The following OLFML2B variants were observed in gnomAD, a reference collection of about 807,000 sequenced individuals.
OLFML2B encodes the protein olfactomedin like 2B, also known as olfactomedin-like protein 2B.
In OLFML2B, 57 loss-of-function variants were observed where a neutral mutation model predicts 74.9. The observed-to-expected ratio is 0.76, with a 90% CI of 0.61 to 0.95. The LOEUF (loss-of-function observed/expected upper bound fraction) is 0.95. OLFML2B is among the 40% of genes least tolerant of loss of function. The pLI is 0.00. For missense variants in OLFML2B, 986 were observed against 970.6 expected (o/e 1.02, Z -0.21); for synonymous variants, 388 against 405.8 (o/e 0.96, Z 0.53).
chr1:162,006,440 GTTCATT>G lies in OLFML2B; in HGVS notation c.574_579del (p.Asn192_Glu193del). On this transcript the variant is annotated inframe_deletion, in exon 4 of 8. Coordinates refer to ENST00000294794, the MANE Select transcript of OLFML2B (RefSeq NM_015441.3). ...ATTTCTTCCATGTCCTCTTTGATTT[GTTCATT>G]TTCCTTGGTGAGGTTTTTAGACACT... The G allele has an allele frequency of 6.3e-7, 1 of 1,598,436 alleles. No individual in the cohort carries two copies. The highest frequency in any genetic ancestry group is 8.5e-7 in the Non-Finnish European group (1 of 1,175,806).
chr1:162,017,380 G>T lies in OLFML2B; in HGVS notation c.546+20C>A. ...TGGGCTCAATCAAGAAAAAGATATA[G>T]AAACCAGAATCTTCCTTACCTCCTC... On this transcript the variant is annotated intron_variant, in intron 3 of 7. Transcript: ENST00000294794. The T allele has an allele frequency of 6.3e-7, 1 of 1,584,780 alleles. No individual in the cohort carries two copies. The highest frequency in any genetic ancestry group is 8.6e-7 in the Non-Finnish European group (1 of 1,156,108).
At chr1:162,019,090 A>C (rs1027855011) in intron 2 of OLFML2B, among the ~76,000 whole-genome samples, 16 of 152,206 alleles carry the variant, frequency 1.1e-4, no homozygotes, top group African/African-American at 3.9e-4. Context: ...TGAAAGAGAC[A>C]CTAATGATTA....
At chr1:161,984,743 G>A in intron 7 of OLFML2B, 61 bp downstream of exon 7, 1 of 1,540,342 alleles carries the variant, frequency 6.5e-7, no homozygotes, top group South Asian at 1.2e-5. Context: ...GCCTGGCTGT[G>A]ATAAAAACAG....
intron 6 of OLFML2B, among the ~76,000 whole-genome samples, chr1:161,987,486 A>G (rs1391811371): frequency 6.6e-6 from 1 of 152,232 alleles, no homozygotes; most frequent in Non-Finnish European, 1.5e-5. Flanking sequence ...TGAAAAAAGC[A>G]AAGACTGAAG....
At chr1:162,014,844 A>G (rs1287004906) in intron 3 of OLFML2B, among the ~76,000 whole-genome samples, 6 of 152,218 alleles carry the variant, frequency 3.9e-5, no homozygotes, top group African/African-American at 1.2e-4. Context: ...TAATGGGTCT[A>G]TGGGATAGAG....
Position 162,000,179 on chromosome 1 carries a change from C to A in OLFML2B, c.883G>T (p.Val295Phe), listed in dbSNP as rs1460095881. 1.4e-5 allele frequency: 23 copies of A among 1,613,592 alleles called. No homozygotes were observed. The highest frequency in any genetic ancestry group is 1.9e-5 in the Non-Finnish European group (23 of 1,179,752). The stretch of plus-strand genomic sequence containing the variant: ...TTATAGTAGGTGATGCCCCGGATGA[C>A]AGTGGGCTGGGAGGCCGGCCGGCCT... Reference protein sequence around the residue: ...LRGRPASQPTVIRGITYYKAK... With the variant: ...LRGRPASQPTFIRGITYYKAK... Residue 295 changes from valine to phenylalanine, a missense_variant, in exon 5 of 8, where the codon GTC (valine) becomes TTC (phenylalanine). Val to Phe is a conservative substitution (Grantham distance 50). Transcript: ENST00000294794.
At chr1:162,000,777 G>A (rs925957909) in intron 4 of OLFML2B, among the ~76,000 whole-genome samples, 3 of 152,132 alleles carry the variant, frequency 2.0e-5, no homozygotes, top group Non-Finnish European at 4.4e-5. Context: ...TCCATGTGAG[G>A]GGAAGGATGC....
At chr1:162,019,740 T>C (rs1032116932) in intron 2 of OLFML2B, among the ~76,000 whole-genome samples, 179 bp downstream of exon 2, 6 of 152,150 alleles carry the variant, frequency 3.9e-5, no homozygotes, top group South Asian at 2.1e-4. Flanking sequence ...ATCTCCCTTA[T>C]ACACCAGAGC....
intron 3 of OLFML2B, among the ~76,000 whole-genome samples, chr1:162,006,849 C>A (rs1241216225): frequency 6.6e-6 from 1 of 152,126 alleles, no homozygotes; most frequent in African/African-American, 2.4e-5. Context: ...CACTCGCATC[C>A]CATACATCTG....
intron 3 of OLFML2B, among the ~76,000 whole-genome samples, chr1:162,007,327 G>C (rs1037560285): frequency 3.3e-5 from 5 of 152,230 alleles, no homozygotes; most frequent in Non-Finnish European, 7.3e-5. Context: ...CCTGAGTTCA[G>C]AGCAGGAGGA....
In OLFML2B at chr1:161,983,689, T is replaced by C; in HGVS notation, c.2239A>G (p.Ile747Val). ...DNGHQVTYHVIFAY is the reference protein window; with the variant it reads ...DNGHQVTYHVVFAY ...GGACAAGGGTGTCAGTAGGCAAAGA[T>C]GACATGGTAAGTGACCTGGTGGCCA... Residue 747 changes from isoleucine to valine, a missense_variant, in exon 8 of 8, where the codon ATC (isoleucine) becomes GTC (valine). Physicochemically the swap from Ile to Val is conservative, Grantham distance 29. Transcript: ENST00000294794. 1.2e-6 allele frequency: 2 copies of C among 1,608,236 alleles called. No individual in the cohort carries two copies. Among genetic ancestry groups the C allele is most frequent in the South Asian group, 2.2e-5 (2 of 90,670 alleles).
chr1:162,001,354 G>A (rs1462009786), intron 4 of OLFML2B, among the ~76,000 whole-genome samples: 1 of 152,180 alleles, frequency 6.6e-6, no homozygotes, highest in African/African-American at 2.4e-5. Flanking sequence ...AGAAGTTGAT[G>A]GGATGTGCAT....
intron 5 of OLFML2B, 101 bp from the exon 6 acceptor site, chr1:161,998,450 C>T: frequency 7.6e-7 from 1 of 1,314,842 alleles, no homozygotes; most frequent in Non-Finnish European, 1.0e-6. Context: ...GGTGCCTTTC[C>T]TTAACACGAC....
chr1:162,011,396 C>T (rs1172189714), intron 3 of OLFML2B, among the ~76,000 whole-genome samples: 2 of 152,214 alleles, frequency 1.3e-5, no homozygotes, highest in African/African-American at 4.8e-5. Context: ...GCTCACCGTG[C>T]TCAACCTTTG....
At chr1:162,004,008 G>C (rs1690151302) in intron 4 of OLFML2B, among the ~76,000 whole-genome samples, 1 of 152,218 alleles carries the variant, frequency 6.6e-6, no homozygotes, top group Non-Finnish European at 1.5e-5. Flanking sequence ...GAGAAAAAGG[G>C]TTTGGTGTTT....
intron 6 of OLFML2B, among the ~76,000 whole-genome samples, chr1:161,993,243 C>A (rs1441605008): frequency 6.6e-5 from 10 of 152,220 alleles, no homozygotes; most frequent in Admixed American, 5.2e-4. Context: ...CTTCTCACTG[C>A]AGTGCTACCT....
At chr1:161,987,351 AT>A in intron 6 of OLFML2B, among the ~76,000 whole-genome samples, 1 of 152,302 alleles carries the variant, frequency 6.6e-6, no homozygotes, top group African/African-American at 2.4e-5. Flanking sequence ...CATAAAAAAA[AT>A]CCTGAGATGG....
chr1:162,016,499 G>A (rs959475853), intron 3 of OLFML2B, among the ~76,000 whole-genome samples: 5 of 152,144 alleles, frequency 3.3e-5, no homozygotes, highest in Non-Finnish European at 7.4e-5. Context: ...CAGTCATTGT[G>A]TTATTAAATT....
In OLFML2B at chr1:161,983,785, C is replaced by T. The variant is rs529486618; in HGVS notation, c.2143G>A (p.Glu715Lys). 1.1e-5 allele frequency: 17 copies of T among 1,614,036 alleles called. No individual in the cohort carries two copies. Among genetic ancestry groups the T allele is most frequent in the Admixed American group, 6.7e-5 (4 of 60,014 alleles). Residue 715 changes from glutamate (E) to lysine (K), a missense_variant, in exon 8 of 8, where the codon GAG (glutamate) becomes AAG (lysine). Coordinates refer to ENST00000294794, the MANE Select transcript of OLFML2B (RefSeq NM_015441.3). The stretch of plus-strand genomic sequence containing the variant: ...TGGGTCGTATAGGAATACTCATTCT[C>T]GAACAGCAGCCTGGGGACGATCTGT... ...NTQIVPRLLFENEYSYTTQID... is the reference protein window; with the variant it reads ...NTQIVPRLLFKNEYSYTTQID...
Sources: allele counts gnomAD v4.1 joint callset (sites outside exome capture counted in the v4.1 genomes callset), GRCh38; gene constraint gnomAD v4.1.1; transcripts MANE v1.5; gene names NCBI Gene and HGNC (gene_info 2026-07-23, HGNC 2026-07-21).